The following SYN3 variants were observed in gnomAD, a reference collection of about 807,000 sequenced individuals.
SYN3 encodes synapsin-3.
SYN3 carries 35 observed loss-of-function variants against 65.8 expected under a neutral mutation model. The observed-to-expected ratio is 0.53, with a 90% CI of 0.41 to 0.70. The LOEUF (loss-of-function observed/expected upper bound fraction) is 0.70. Among genes scored for constraint, SYN3 ranks in the 30% least tolerant of loss-of-function variants. SYN3 has a pLI of 0.00. For missense variants in SYN3, 680 were observed against 749.0 expected (o/e 0.91, Z 1.08); for synonymous variants, 270 against 292.9 (o/e 0.92, Z 0.80).
At chr22:32,836,702 G>C (rs973224520) in intron 6 of SYN3, among the ~76,000 whole-genome samples, 14 of 152,134 alleles carry the variant, frequency 9.2e-5, no homozygotes, top group Admixed American at 8.5e-4. Context: ...GAGTGAGTAG[G>C]GGACACCCGC....
Position 32,697,493 on chromosome 22 carries a change from T to C in SYN3, c.712-100757A>G, listed in dbSNP as rs1016639972. Among the ~76,000 whole-genome samples, 14 of 152,210 alleles carry C rather than the reference T, an allele frequency of 9.2e-5. No homozygotes were observed. In the East Asian group the frequency reaches 2.7e-3, roughly 29 times the overall value. On this transcript the variant is annotated intron_variant, in intron 6 of 13. Coordinates refer to ENST00000358763, the MANE Select transcript of SYN3 (RefSeq NM_003490.4). ...AGGCATTCCATATTTTTTGAATGAA[T>C]AAATGCCAAATGTACATAATGTAAT...
intron 6 of SYN3, among the ~76,000 whole-genome samples, chr22:32,853,106 G>T (rs2048268764): frequency 6.6e-6 from 1 of 152,174 alleles, no homozygotes; most frequent in Admixed American, 6.5e-5. Flanking sequence ...CTAACCAAAT[G>T]AGCAATAGCA....
At chr22:32,765,301 C>T (rs1261486875) in intron 6 of SYN3, among the ~76,000 whole-genome samples, 1 of 152,106 alleles carries the variant, frequency 6.6e-6, no homozygotes, top group Non-Finnish European at 1.5e-5. Flanking sequence ...TACACCCCAT[C>T]CCACACCCGC....
intron 6 of SYN3, among the ~76,000 whole-genome samples, chr22:32,829,001 G>A (rs987187902): frequency 6.6e-6 from 1 of 152,204 alleles, no homozygotes; most frequent in African/African-American, 2.4e-5. Context: ...GAGCGGTCTT[G>A]AGGGTTGGAG....
At chr22:32,669,236 C>A (rs986402201) in intron 6 of SYN3, among the ~76,000 whole-genome samples, 48 of 152,284 alleles carry the variant, frequency 3.2e-4, no homozygotes, top group Non-Finnish European at 4.6e-4. Context: ...GATATCCTGT[C>A]AGGAGATATT....
chr22:32,562,398 T>A (rs1434546720), intron 7 of SYN3, among the ~76,000 whole-genome samples: 1 of 152,214 alleles, frequency 6.6e-6, no homozygotes, highest in Non-Finnish European at 1.5e-5. Context: ...TTGGTAAATT[T>A]CCTCTTCAGG....
intron 6 of SYN3, among the ~76,000 whole-genome samples, chr22:32,796,974 C>T (rs1303080746): frequency 6.6e-6 from 1 of 152,126 alleles, no homozygotes; most frequent in Non-Finnish European, 1.5e-5. Context: ...GGAGGAGCTC[C>T]GGCAGCCACG....
At chr22:32,669,167 C>T (rs2060328951) in intron 6 of SYN3, among the ~76,000 whole-genome samples, 1 of 152,188 alleles carries the variant, frequency 6.6e-6, no homozygotes, top group Non-Finnish European at 1.5e-5. Flanking sequence ...TTCTTAGACA[C>T]TAAGGCTAGT....
intron 7 of SYN3, among the ~76,000 whole-genome samples, chr22:32,565,368 C>T (rs2058658524): frequency 6.6e-6 from 1 of 151,432 alleles, no homozygotes; most frequent in African/African-American, 2.4e-5. Flanking sequence ...TTCTATTAGC[C>T]ACATTAAAAA....
intron 7 of SYN3, among the ~76,000 whole-genome samples, chr22:32,563,887 T>G (rs1422712026): frequency 6.6e-6 from 1 of 152,168 alleles, no homozygotes; most frequent in African/African-American, 2.4e-5. Flanking sequence ...CAGGATGGTC[T>G]CGAACTCCTG....
At chr22:32,642,401 C>T (rs1250178477) in intron 6 of SYN3, among the ~76,000 whole-genome samples, 1 of 138,222 alleles carries the variant, frequency 7.2e-6, no homozygotes, top group African/African-American at 2.8e-5. Context: ...CAGTGTCCTA[C>T]CCCAAACTTT....
At chr22:32,519,651 A>G (rs1266783243) in intron 12 of SYN3, 2 of 152,184 alleles carry the variant, frequency 1.3e-5, no homozygotes, top group Non-Finnish European at 2.9e-5. Context: ...CCCAGAAATG[A>G]CTTTGAGTAG....
chr22:32,689,487 C>A (rs1487829638), intron 6 of SYN3, among the ~76,000 whole-genome samples: 1 of 152,196 alleles, frequency 6.6e-6, no homozygotes, highest in African/African-American at 2.4e-5. Flanking sequence ...TCTTCTCCTG[C>A]TCTAAAGGAA....
chr22:32,697,969 C>G (rs191774997), intron 6 of SYN3, among the ~76,000 whole-genome samples: 2 of 152,112 alleles, frequency 1.3e-5, no homozygotes, highest in Middle Eastern at 3.2e-3. Context: ...CCCAGTCCCC[C>G]GGGCCATTCT....
chr22:32,734,089 C>T (rs1341710636), intron 6 of SYN3, among the ~76,000 whole-genome samples: 1 of 152,144 alleles, frequency 6.6e-6, no homozygotes, highest in African/African-American at 2.4e-5. Flanking sequence ...GTGTATTAAG[C>T]AGCTGAGTCT....
chr22:32,891,115 A>G (rs748119169), intron 4 of SYN3, among the ~76,000 whole-genome samples: 1 of 152,174 alleles, frequency 6.6e-6, no homozygotes, highest in South Asian at 2.1e-4. Flanking sequence ...GCCCTGCTCC[A>G]GTTTCTTAGG....
At chr22:32,989,214 T>G (rs549905245) in intron 2 of SYN3, among the ~76,000 whole-genome samples, 4 of 152,228 alleles carry the variant, frequency 2.6e-5, no homozygotes, top group Non-Finnish European at 5.9e-5. Context: ...TCAACCTTCC[T>G]GAACCTTGGT....
chr22:32,789,490 C>T (rs1236901077), intron 6 of SYN3, among the ~76,000 whole-genome samples: 1 of 152,156 alleles, frequency 6.6e-6, no homozygotes, highest in Admixed American at 6.5e-5. Context: ...TGGGTCTGTC[C>T]AGGCACCAAT....
At chr22:32,561,258 A>T (rs1343870442) in intron 7 of SYN3, among the ~76,000 whole-genome samples, 2 of 150,682 alleles carry the variant, frequency 1.3e-5, no homozygotes, top group African/African-American at 2.5e-5. Flanking sequence ...AGCAGGAGAG[A>T]CAGACAGAGC....
Sources: allele counts gnomAD v4.1 joint callset (sites outside exome capture counted in the v4.1 genomes callset), GRCh38; gene constraint gnomAD v4.1.1; transcripts MANE v1.5; gene names NCBI Gene and HGNC (gene_info 2026-07-23, HGNC 2026-07-21).